SFSWAP: variants seen among roughly 807,000 people sequenced by gnomAD.
The protein encoded by SFSWAP is splicing factor, suppressor of white-apricot homolog.
A neutral mutation model predicts 100.7 loss-of-function variants in SFSWAP; 17 were observed. The observed-to-expected ratio is 0.17, with a 90% CI of 0.12 to 0.25. The LOEUF is 0.25. Among genes scored for constraint, SFSWAP ranks in the 10% least tolerant of loss-of-function variants. The pLI is 1.00. For missense variants in SFSWAP, 1,005 were observed against 1,262.6 expected, an observed-to-expected ratio of 0.80 and a Z score of 3.09; for synonymous variants, 504 against 510.1, an observed-to-expected ratio of 0.99 and a Z score of 0.16.
At chr12:131,753,406 G>C in intron 8 of SFSWAP, 43 bp downstream of exon 8, 1 of 1,576,990 alleles carries the variant, frequency 6.3e-7, no homozygotes, top group Non-Finnish European at 8.6e-7. Context: ...GAGTCACTCA[G>C]CACTGCAGTC....
At position 131,794,229 on chromosome 12, in the gene SFSWAP, G is replaced by A. The variant is rs1885472975; in HGVS notation, c.2535-2949G>A. On this transcript the variant is annotated intron_variant, in intron 15 of 17. Transcript: ENST00000261674. This position sits in a 1 kb window ranked among gnomAD's most constrained non-coding sequence, Gnocchi z 4.8. ...CGTGGAGGAGTCTCAGACATGCTTT[G>A]CTGAGCAAAAGCAGCCAGACACAGG... Among the ~76,000 whole-genome samples, 2 of 151,884 alleles carry A rather than the reference G, an allele frequency of 1.3e-5. No homozygotes were observed. Among genetic ancestry groups the A allele is most frequent in the Admixed American group, 1.3e-4 (2 of 15,258 alleles).
rs567247721 is a variant in SFSWAP at position 131,722,312 on chromosome 12, A to G, written c.606+2773A>G. ...TACAGTGGCTCACACCTGTAATCCCAGCTCTTTGGGAGACTAAGGTTGGAG... is the reference window on the plus strand; with the variant it reads ...TACAGTGGCTCACACCTGTAATCCCGGCTCTTTGGGAGACTAAGGTTGGAG... On this transcript the variant is annotated intron_variant, in intron 4 of 17. Transcript: ENST00000261674. 1.1e-4 allele frequency among the ~76,000 whole-genome samples: 17 copies of G among 152,342 alleles called. No individual in the cohort carries two copies. The East Asian group carries it at 3.3e-3, about 29-fold the overall frequency.
At chr12:131,720,491 G>A (rs780022579) in intron 4 of SFSWAP, among the ~76,000 whole-genome samples, 5 of 152,308 alleles carry the variant, frequency 3.3e-5, no homozygotes, top group African/African-American at 7.2e-5. Flanking sequence ...TTAAGTGTTC[G>A]TGCCTAGCAG....
At chr12:131,729,722 T>C (rs1879325642) in intron 7 of SFSWAP, among the ~76,000 whole-genome samples, 1 of 152,198 alleles carries the variant, frequency 6.6e-6, no homozygotes, top group African/African-American at 2.4e-5. Flanking sequence ...ATGAGGAAGC[T>C]TTAGCAGAGC....
chr12:131,731,537 A>G (rs934032576), intron 7 of SFSWAP, among the ~76,000 whole-genome samples: 1 of 152,200 alleles, frequency 6.6e-6, no homozygotes, highest in Non-Finnish European at 1.5e-5. Context: ...CAGGTTGGTC[A>G]TGATTAGGGA....
Position 131,794,821 on chromosome 12 carries a change from T to TA in SFSWAP, c.2535-2348dup, listed in dbSNP as rs1341531874. 5.3e-5 allele frequency among the ~76,000 whole-genome samples: 8 copies of TA among 151,738 alleles called. No individual in the cohort carries two copies. Among genetic ancestry groups the TA allele is most frequent in the East Asian group, 3.9e-4 (2 of 5,158 alleles). ...AATGGACAGTGGCACCTCGGTGCTT[T>TA]AAAAAAAAATGAATGAGTTGCTCCA... On this transcript the variant is annotated intron_variant, in intron 15 of 17. Coordinates refer to ENST00000261674, the MANE Select transcript of SFSWAP (RefSeq NM_004592.4). The surrounding 1 kb of genome is among the most constrained non-coding windows in gnomAD (Gnocchi z 4.8).
chr12:131,787,112 T>C (rs1453538740), intron 15 of SFSWAP, among the ~76,000 whole-genome samples: 1 of 152,076 alleles, frequency 6.6e-6, no homozygotes, highest in African/African-American at 2.4e-5. Context: ...AAGGAGAGCC[T>C]GTCTTGGTTG....
Position 131,714,009 on chromosome 12 carries a change from C to G in SFSWAP, c.219-62C>G. Reference sequence around the variant, plus strand: ...ATATATATATACATATATAAAACATCACACACGCACACCAGTCTAGACGTT... The same window carrying G: ...ATATATATATACATATATAAAACATGACACACGCACACCAGTCTAGACGTT... On this transcript the variant is annotated intron_variant, in intron 1 of 17. Coordinates refer to ENST00000261674, the MANE Select transcript of SFSWAP (RefSeq NM_004592.4). The surrounding 1 kb of genome is among the most constrained non-coding windows in gnomAD (Gnocchi z 6.0). 2 of 1,243,282 alleles carry G rather than the reference C, an allele frequency of 1.6e-6. No individual in the cohort carries two copies. The highest frequency in any genetic ancestry group is 2.3e-5 in the East Asian group (1 of 42,574). 77.0% of individuals were successfully genotyped at this position (1,243,282 alleles called of 1,614,324 possible).
rs1464145623 is a variant in SFSWAP, at chr12:131,725,880, G to A, written c.832+250G>A. On this transcript the variant is annotated intron_variant, in intron 5 of 17. Coordinates refer to ENST00000261674, the MANE Select transcript of SFSWAP (RefSeq NM_004592.4). The surrounding 1 kb of genome is among the most constrained non-coding windows in gnomAD (Gnocchi z 4.3). ...TGAAATATAACTAAATATTGATGCTGTCAGAACATAATCATCTGGGTGGGA... is the reference window on the plus strand; with the variant it reads ...TGAAATATAACTAAATATTGATGCTATCAGAACATAATCATCTGGGTGGGA... Among the ~76,000 whole-genome samples, 1 of 152,134 alleles carries A rather than the reference G, an allele frequency of 6.6e-6. No individual in the cohort carries two copies. The highest frequency in any genetic ancestry group is 1.9e-4 in the East Asian group (1 of 5,200).
intron 7 of SFSWAP, among the ~76,000 whole-genome samples, chr12:131,738,594 A>C (rs1593131187): frequency 6.6e-6 from 1 of 152,334 alleles, no homozygotes; most frequent in East Asian, 1.9e-4. Context: ...TAAAGAATTC[A>C]GTTCTGAAAA....
intron 11 of SFSWAP, among the ~76,000 whole-genome samples, chr12:131,758,618 C>T (rs1882389798): frequency 6.6e-6 from 1 of 152,226 alleles, no homozygotes; most frequent in Non-Finnish European, 1.5e-5. Context: ...TATTATAAAA[C>T]TAGTGCTACT....
intron 16 of SFSWAP, among the ~76,000 whole-genome samples, chr12:131,798,509 T>A (rs930339801): frequency 1.3e-5 from 2 of 152,224 alleles, no homozygotes; most frequent in Admixed American, 1.3e-4. Flanking sequence ...GGTAATTTTA[T>A]ATGAAAATCT....
rs1447847074 is a variant in SFSWAP at position 131,725,576 on chromosome 12, A to G, written c.778A>G (p.Met260Val). Residue 260 changes from methionine (M) to valine (V), a missense_variant, in exon 5 of 18, where the codon ATG (methionine) becomes GTG (valine). Coordinates refer to ENST00000261674, the MANE Select transcript of SFSWAP (RefSeq NM_004592.4). This position sits in a 1 kb window ranked among gnomAD's most constrained non-coding sequence, Gnocchi z 4.3. ...CTACTATAAGTTCATCCAGAAAGCC[A>G]TGAAAGAGGGACGCTACACTGTCCT... is the stretch of plus-strand genomic sequence containing the variant. The part of the protein sequence containing the change: ...NPYYKFIQKA[M>V]KEGRYTVLAE... The G allele has an allele frequency of 6.2e-7, 1 of 1,614,082 alleles. No homozygotes were observed. The highest frequency in any genetic ancestry group is 8.5e-7 in the Non-Finnish European group (1 of 1,180,058).
intron 11 of SFSWAP, among the ~76,000 whole-genome samples, chr12:131,758,753 C>G (rs1441470516): frequency 6.6e-6 from 1 of 152,182 alleles, no homozygotes; most frequent in Admixed American, 6.5e-5. Flanking sequence ...TCGAGACCAG[C>G]CTGGGCAAAT....
chr12:131,755,247 G>A (rs1011679977), intron 9 of SFSWAP, 139 bp from the exon 10 acceptor site: 43 of 638,262 alleles, frequency 6.7e-5, no homozygotes, highest in African/African-American at 1.6e-4. Context: ...AGTCTCCCTC[G>A]TCTATAAGAT....
chr12:131,754,735 G>A (rs546369601), intron 9 of SFSWAP, among the ~76,000 whole-genome samples: 1 of 138,692 alleles, frequency 7.2e-6, no homozygotes, highest in South Asian at 2.4e-4. Flanking sequence ...CTGGGCTCAA[G>A]CAATTCTCCT....
At chr12:131,719,225 T>C (rs959093864) in intron 3 of SFSWAP, among the ~76,000 whole-genome samples, 4 of 151,936 alleles carry the variant, frequency 2.6e-5, no homozygotes, top group South Asian at 2.1e-4. Flanking sequence ...TACACACTCC[T>C]TCTGCTGCAC....
chr12:131,783,797 TATATATATA>T (rs1884681383), intron 14 of SFSWAP: 1 of 68,686 alleles, frequency 1.5e-5, no homozygotes, highest in South Asian at 3.7e-4. Flanking sequence ...ACATTTTATA[TATATATATA>T]TATATATATA....
chr12:131,755,900 T>C lies in SFSWAP; in HGVS notation c.1548+421T>C, dbSNP rs183136692. ...GCTGGGGGTGTCCTGCAGCACGGCC[T>C]CTGCCTGTGCCTGCACGCCCTTCCC... On this transcript the variant is annotated intron_variant, in intron 10 of 17. Coordinates refer to ENST00000261674, the MANE Select transcript of SFSWAP (RefSeq NM_004592.4). Among the ~76,000 whole-genome samples, 429 of 152,378 alleles carry C rather than the reference T, an allele frequency of 2.8e-3. 5 individuals carry two copies. The highest frequency in any genetic ancestry group is 0.023 in the Admixed American group (345 of 15,306).
Sources: gnomAD v4.1 joint callset for allele counts (sites outside exome capture counted in the v4.1 genomes callset) on GRCh38, gnomAD v4.1.1 for gene constraint, Gnocchi (gnomAD v3.1) non-coding constraint, MANE v1.5 for transcripts, NCBI Gene and HGNC (gene_info 2026-07-23, HGNC 2026-07-21) for gene names.